The following UNC80 variants were observed in gnomAD, a reference collection of about 807,000 sequenced individuals.
UNC80 encodes the protein protein unc-80 homolog.
In UNC80, 164 loss-of-function variants were observed where a neutral mutation model predicts 384.6. The ratio of observed to expected loss-of-function variants is 0.43; its 90% CI spans 0.38 to 0.49. UNC80 has a LOEUF of 0.49. Among genes scored for constraint, UNC80 ranks in the 20% least tolerant of loss-of-function variants. The pLI, the probability that UNC80 is intolerant of heterozygous loss-of-function variation, is 0.00. For missense variants in UNC80, 3,330 were observed against 4,143.0 expected (o/e 0.80, Z 5.39); for synonymous variants, 1,486 against 1,527.8 (o/e 0.97, Z 0.64).
chr2:209,826,113 T>G, intron 14 of UNC80, 60 bp downstream of exon 14: 1 of 1,465,526 alleles, frequency 6.8e-7, no homozygotes, highest in African/African-American at 1.4e-5. Context: ...TGTTTAAGAA[T>G]GAGTCCTTTG....
At chr2:209,772,216 TG>T (rs1438105212) in intron 1 of UNC80, 52 bp downstream of exon 1, 6 of 1,173,090 alleles carry the variant, frequency 5.1e-6, no homozygotes, top group Admixed American at 4.1e-5. Context: ...GGGGCGCTCC[TG>T]GGGCCGCCCG....
chr2:209,954,078 GT>G (rs2092310091), intron 47 of UNC80, 21 bp from the exon 48 acceptor site: 2 of 1,539,012 alleles, frequency 1.3e-6, no homozygotes, highest in African/African-American at 2.8e-5. Context: ...AGGTGACTCG[GT>G]TTTCTTTCTG....
At chr2:209,826,822 GTT>G (rs1342387211) in intron 14 of UNC80, among the ~76,000 whole-genome samples, 1 of 151,786 alleles carries the variant, frequency 6.6e-6, no homozygotes, top group Non-Finnish European at 1.5e-5. Flanking sequence ...AAAAAAAGGA[GTT>G]TGATGCAAAG....
intron 61 of UNC80, among the ~76,000 whole-genome samples, chr2:209,988,903 C>A (rs191343839): frequency 6.6e-6 from 1 of 152,042 alleles, no homozygotes; most frequent in Admixed American, 6.6e-5. Flanking sequence ...CTAAATATAT[C>A]GTAAGATGTT....
At chr2:209,895,011 G>A (rs749098571) in intron 27 of UNC80, among the ~76,000 whole-genome samples, 6 of 152,144 alleles carry the variant, frequency 3.9e-5, no homozygotes, top group East Asian at 1.9e-4. Context: ...ATGCTCTAAA[G>A]ATAAATTAGA....
chr2:209,850,791 C>G, intron 22 of UNC80, among the ~76,000 whole-genome samples: 1 of 152,018 alleles, frequency 6.6e-6, no homozygotes, highest in Non-Finnish European at 1.5e-5. Context: ...TCACAGGTCT[C>G]CAGGAGAGCT....
chr2:209,954,188 G>C lies in UNC80; in HGVS notation c.7375G>C (p.Ala2459Pro). The change falls in exon 48 of 65, where the codon GCT (alanine) becomes CCT (proline). Residue 2459 changes from alanine to proline, a missense_variant. This residue lies in a region of UNC80 where 1,049 missense variants were observed against 1,488.6 expected (regional missense o/e 0.70). Transcript: ENST00000673920. ...GACATCACAGGTGGAGACAGTACCT[G>C]CTGCCCGAGAGGAGATTGCGGCCAC... is the stretch of plus-strand genomic sequence containing the variant. ...RQTSQVETVPAAREEIAATAA... is the reference protein window; with the variant it reads ...RQTSQVETVPPAREEIAATAA... The C allele has an allele frequency of 6.4e-7, 1 of 1,551,084 alleles. No homozygotes were observed. The highest frequency in any genetic ancestry group is 1.2e-5 in the South Asian group (1 of 84,020).
At chr2:209,965,895 G>A (rs1392706640) in intron 51 of UNC80, among the ~76,000 whole-genome samples, 2 of 147,256 alleles carry the variant, frequency 1.4e-5, no homozygotes, top group African/African-American at 5.1e-5. Context: ...ATGACTCAGA[G>A]AAGATTATCT....
chr2:209,961,848 A>G (rs1436151764), intron 51 of UNC80, among the ~76,000 whole-genome samples: 1 of 152,230 alleles, frequency 6.6e-6, no homozygotes, highest in African/African-American at 2.4e-5. Context: ...ATCAAAAAGC[A>G]TGAAAATGTA....
chr2:209,927,038 G>A (rs1241910980), intron 36 of UNC80, 52 bp downstream of exon 36: 1 of 1,540,296 alleles, frequency 6.5e-7, no homozygotes, highest in East Asian at 2.5e-5. Context: ...CTGTTTATCT[G>A]ATAGAAGACA....
At chr2:209,809,528 T>C (rs1574537504) in intron 7 of UNC80, 1 of 1,049,760 alleles carries the variant, frequency 9.5e-7, no homozygotes, top group East Asian at 2.4e-5. Flanking sequence ...TTCTCCCGAA[T>C]GGCCCTGCTC....
At position 209,976,998 on chromosome 2, in the gene UNC80, G is replaced by A. The variant is rs774199606; in HGVS notation, c.8858G>A (p.Arg2953His). 6 of 1,539,066 alleles carry A rather than the reference G, an allele frequency of 3.9e-6. No individual in the cohort carries two copies. Among genetic ancestry groups the A allele is most frequent in the South Asian group, 2.4e-5 (2 of 83,486 alleles). Residue 2953 changes from arginine (R) to histidine (H), a missense_variant, in exon 58 of 65, where the codon CGC becomes CAC. This residue lies in a region of UNC80 where 216 missense variants were observed against 245.3 expected (regional missense o/e 0.88). Transcript: ENST00000673920. The surrounding 1 kb of genome is among the most constrained non-coding windows in gnomAD (Gnocchi z 4.3). Reference sequence around the variant, plus strand: ...CAGCTGGAGCGGCGCTTCATACCACGCCCTTTGTGTAAGAGCTCGCTCATT... The same window carrying A: ...CAGCTGGAGCGGCGCTTCATACCACACCCTTTGTGTAAGAGCTCGCTCATT... ...ADQLERRFIP[R>H]PLCKSSLIAE... is the part of the protein sequence containing the mutation.
At chr2:209,937,038 A>G in intron 41 of UNC80, 105 bp downstream of exon 41, 1 of 730,180 alleles carries the variant, frequency 1.4e-6, no homozygotes, top group Non-Finnish European at 2.3e-6. Flanking sequence ...AGAAGGTAAT[A>G]GTATGGCCAC....
At chr2:209,821,299 AG>A (rs962986226) in intron 13 of UNC80, among the ~76,000 whole-genome samples, 1 of 152,180 alleles carries the variant, frequency 6.6e-6, no homozygotes, top group Non-Finnish European at 1.5e-5. Context: ...CCACTAGACC[AG>A]GCCCCACCAT....
At chr2:209,966,123 T>C (rs2092735159) in intron 51 of UNC80, among the ~76,000 whole-genome samples, 1 of 152,122 alleles carries the variant, frequency 6.6e-6, no homozygotes, top group Non-Finnish European at 1.5e-5. Flanking sequence ...TCCAGTTCCA[T>C]AGGATCCTTT....
intron 44 of UNC80, 146 bp downstream of exon 44, chr2:209,941,635 C>A: frequency 1.0e-6 from 1 of 993,554 alleles, no homozygotes. Context: ...GAAATCCCCC[C>A]ATAAATTTGC....
intron 13 of UNC80, among the ~76,000 whole-genome samples, chr2:209,823,098 T>C (rs1304886008): frequency 2.0e-5 from 3 of 152,174 alleles, no homozygotes; most frequent in Non-Finnish European, 2.9e-5. Flanking sequence ...AACAGAAGCA[T>C]AGGAATTGAT....
Position 209,820,398 on chromosome 2 carries a change from C to T in UNC80, c.2050C>T (p.Leu684Phe). The T allele has an allele frequency of 6.4e-7, 1 of 1,551,912 alleles. No homozygotes were observed. ...GGCGCTAAACATTGTGGAATGCTTG[C>T]TTCAACTTGGTGTGGTGCCCTGTGT... is the stretch of plus-strand genomic sequence containing the variant. Reference protein sequence around the residue: ...DVALNIVECLLQLGVVPCVEK... With the variant: ...DVALNIVECLFQLGVVPCVEK... The change falls in exon 13 of 65, where the codon CTT (leucine) becomes TTT (phenylalanine). Residue 684 changes from leucine to phenylalanine, a missense_variant. Physicochemically the swap from Leu to Phe is conservative, Grantham distance 22 (BLOSUM62 0). Transcript: ENST00000673920.
chr2:209,962,692 C>A (rs942111897), intron 51 of UNC80, among the ~76,000 whole-genome samples: 1 of 152,128 alleles, frequency 6.6e-6, no homozygotes, highest in East Asian at 1.9e-4. Flanking sequence ...TTTCTCACAA[C>A]AAGCTTTTGA....
Sources: gnomAD v4.1 joint callset for allele counts (sites outside exome capture counted in the v4.1 genomes callset) on GRCh38, gnomAD v4.1.1 for gene constraint, gnomAD v4.1.1 regional missense constraint, Gnocchi (gnomAD v3.1) non-coding constraint, MANE v1.5 for transcripts, NCBI Gene and HGNC (gene_info 2026-07-23, HGNC 2026-07-21) for gene names.